PNKD: variants seen among roughly 807,000 people sequenced by gnomAD.
PNKD encodes probable thioesterase PNKD.
In PNKD, 36 loss-of-function variants were observed where a neutral mutation model predicts 45.3. That is an observed-to-expected ratio of 0.80 (90% CI 0.61 to 1.05). The LOEUF is 1.05. PNKD is among the 50% of genes least tolerant of loss of function. The pLI is 0.00. For synonymous variants in PNKD, 197 were observed against 210.1 expected, an observed-to-expected ratio of 0.94 and a Z score of 0.54; for missense variants, 511 against 506.6, an observed-to-expected ratio of 1.01 and a Z score of -0.08.
chr2:218,342,460 G>A (rs1483387739), intron 7 of PNKD, among the ~76,000 whole-genome samples: 1 of 152,180 alleles, frequency 6.6e-6, no homozygotes, highest in African/African-American at 2.4e-5. Context: ...AGCACTTTGG[G>A]AGGCTGAGGT....
At chr2:218,324,009 G>T (rs1694070070) in intron 2 of PNKD, among the ~76,000 whole-genome samples, 1 of 152,148 alleles carries the variant, frequency 6.6e-6, no homozygotes, top group Admixed American at 6.5e-5. Flanking sequence ...ACCAAAGCCT[G>T]GCCCGTGTGG....
Position 218,276,981 on chromosome 2 carries a change from C to T in PNKD, c.236+5432C>T, listed in dbSNP as rs185715727. The stretch of plus-strand genomic sequence containing the variant: ...TGCCCTGAGCACTGGGTTCCCTGAC[C>T]CCAGCTCTCCTGGGACACTCACGTA... On this transcript the variant is annotated intron_variant, in intron 2 of 9. Coordinates refer to ENST00000273077, the MANE Select transcript of PNKD (RefSeq NM_015488.5). The T allele has an allele frequency of 1.1e-5, 18 of 1,606,858 alleles. No individual in the cohort carries two copies. The East Asian group carries it at 4.0e-4, about 36-fold the overall frequency.
At chr2:218,341,002 C>T (rs377129029) in intron 5 of PNKD, 5 of 604,960 alleles carry the variant, frequency 8.3e-6, no homozygotes, top group South Asian at 1.9e-5. Flanking sequence ...GAGGGCAGGG[C>T]AGTCATTTCT....
chr2:218,319,040 C>T (rs1373535839), intron 2 of PNKD, among the ~76,000 whole-genome samples: 5 of 143,730 alleles, frequency 3.5e-5, no homozygotes, highest in African/African-American at 1.0e-4. Context: ...CTGTAACCTC[C>T]GCCTCCTGGG....
At chr2:218,332,806 G>A (rs979769404) in intron 2 of PNKD, among the ~76,000 whole-genome samples, 2 of 151,994 alleles carry the variant, frequency 1.3e-5, no homozygotes, top group East Asian at 1.9e-4. Flanking sequence ...CTGATCCTGT[G>A]CACCCTGTTC....
chr2:218,327,222 G>A (rs940476132), intron 2 of PNKD: 1 of 152,172 alleles, frequency 6.6e-6, no homozygotes, highest in Non-Finnish European at 1.5e-5. Context: ...GGCATAGAAG[G>A]TCCTTCCTGA....
At chr2:218,336,297 AC>A (rs1694491225) in intron 2 of PNKD, among the ~76,000 whole-genome samples, 1 of 151,706 alleles carries the variant, frequency 6.6e-6, no homozygotes, top group African/African-American at 2.4e-5. Context: ...CTCTATTTTG[AC>A]CTGTGATGTT....
chr2:218,323,211 C>A, intron 2 of PNKD: 2 of 1,417,908 alleles, frequency 1.4e-6, no homozygotes. Context: ...GGGCCGGGGC[C>A]GGGCCGTTGC....
chr2:218,275,104 G>A (rs563268273), intron 2 of PNKD: 54 of 163,702 alleles, frequency 3.3e-4, no homozygotes, highest in Non-Finnish European at 5.8e-4. Flanking sequence ...GGGGAACCTC[G>A]TGACCTTGAA....
chr2:218,337,547 C>T (rs1013800287), intron 2 of PNKD, among the ~76,000 whole-genome samples: 1 of 152,178 alleles, frequency 6.6e-6, no homozygotes, highest in African/African-American at 2.4e-5. Flanking sequence ...AGCAGAGTTC[C>T]TTGGTCATTC....
intron 2 of PNKD, among the ~76,000 whole-genome samples, chr2:218,309,980 A>G (rs1693555426): frequency 6.6e-6 from 1 of 151,922 alleles, no homozygotes; most frequent in Non-Finnish European, 1.5e-5. Context: ...GGCTTACATT[A>G]TAAGCAACAA....
intron 2 of PNKD, chr2:218,272,680 C>T (rs1265240576): frequency 3.7e-6 from 6 of 1,614,230 alleles, no homozygotes; most frequent in South Asian, 3.3e-5. Context: ...TTGTCCAACA[C>T]GGGCGAGTAT....
Position 218,270,587 on chromosome 2 carries a change from G to A in PNKD, c.52G>A (p.Ala18Thr). Residue 18 changes from alanine to threonine, a missense_variant, in exon 1 of 10, where the codon GCC (alanine) becomes ACC (threonine). Physicochemically the swap from Ala to Thr is moderately conservative, Grantham distance 58. Transcript: ENST00000273077. ...TALKGRGARNARVLRGILAGA... is the reference protein window; with the variant it reads ...TALKGRGARNTRVLRGILAGA... ...GCTGAAGGGCCGGGGGGCGAGAAAT[G>A]CCCGCGTCCTCCGGGGTAAGGAGAG... is the stretch of plus-strand genomic sequence containing the variant. 1 of 1,113,284 alleles carries A rather than the reference G, an allele frequency of 9.0e-7. No homozygotes were observed. The highest frequency in any genetic ancestry group is 1.2e-6 in the Non-Finnish European group (1 of 851,880). 69.0% of individuals were successfully genotyped at this position (1,113,284 alleles called of 1,614,324 possible). A position where few individuals can be genotyped will look rare whatever the true frequency, so the allele number is the denominator to read the frequency against.
intron 2 of PNKD, among the ~76,000 whole-genome samples, chr2:218,295,195 G>A (rs900611748): frequency 6.6e-6 from 1 of 152,196 alleles, no homozygotes; most frequent in African/African-American, 2.4e-5. Context: ...ATAGGCATTC[G>A]ATAAATGATG....
chr2:218,305,653 C>A (rs920224987), intron 2 of PNKD, among the ~76,000 whole-genome samples: 1 of 152,084 alleles, frequency 6.6e-6, no homozygotes, highest in Non-Finnish European at 1.5e-5. Context: ...CCACCACCCC[C>A]AGCCCAGAGG....
chr2:218,340,268 A>G lies in PNKD; in HGVS notation c.465+127A>G. On this transcript the variant is annotated intron_variant, in intron 4 of 9. Transcript: ENST00000273077. The surrounding 1 kb of genome is among the most constrained non-coding windows in gnomAD (Gnocchi z 4.2). ...TGTGTCCCATATGCTCCATGTTCAC[A>G]CGTGCACATGCGCACACATAGCCTG... The G allele has an allele frequency of 1.4e-6, 1 of 691,662 alleles. No individual in the cohort carries two copies. The highest frequency in any genetic ancestry group is 2.6e-6 in the Non-Finnish European group (1 of 381,068). The allele number at this position is 691,662 out of a possible 1,614,324, so 42.8% of individuals were successfully genotyped here.
intron 6 of PNKD, 45 bp downstream of exon 6, chr2:218,341,671 T>A: frequency 3.0e-6 from 4 of 1,336,406 alleles, no homozygotes; most frequent in African/African-American, 1.4e-5. Flanking sequence ...CATGGGCCCT[T>A]TCCCCCACCC....
intron 2 of PNKD, chr2:218,278,169 T>C: frequency 6.3e-6 from 4 of 634,214 alleles, no homozygotes; most frequent in Non-Finnish European, 1.1e-5. Context: ...GACAGACCTG[T>C]GTTGTGGCGC....
intron 2 of PNKD, among the ~76,000 whole-genome samples, chr2:218,290,657 G>A (rs1294164607): frequency 6.6e-6 from 1 of 152,178 alleles, no homozygotes; most frequent in African/African-American, 2.4e-5. Flanking sequence ...CTGTGCAACG[G>A]GGCAAAGCAC....
Sources: allele counts gnomAD v4.1 joint callset (sites outside exome capture counted in the v4.1 genomes callset), GRCh38; gene constraint gnomAD v4.1.1; non-coding constraint Gnocchi (gnomAD v3.1); transcripts MANE v1.5; gene names NCBI Gene and HGNC (gene_info 2026-07-23, HGNC 2026-07-21).